Variants in SYTL2 observed in about 807,000 individuals in gnomAD.
The protein encoded by SYTL2 is synaptotagmin-like protein 2.
In SYTL2, 165 loss-of-function variants were observed where a neutral mutation model predicts 198.7. That is an observed-to-expected ratio of 0.83 (90% CI 0.73 to 0.94). The LOEUF is 0.94. Ranked by LOEUF, SYTL2 falls within the 40% of genes least tolerant of loss-of-function variation. The pLI is 0.00. For synonymous variants in SYTL2, 966 were observed against 917.7 expected, an observed-to-expected ratio of 1.05 and a Z score of -0.95; for missense variants, 2,835 against 2,582.8, an observed-to-expected ratio of 1.10 and a Z score of -2.12.
At chr11:85,748,632 G>A (rs1482277028) in intron 2 of SYTL2, among the ~76,000 whole-genome samples, 1 of 152,138 alleles carries the variant, frequency 6.6e-6, no homozygotes, top group Non-Finnish European at 1.5e-5. Flanking sequence ...TCAAATAAAG[G>A]TTTAATCCAC....
At chr11:85,719,620 TG>T (rs1355603642) in intron 9 of SYTL2, among the ~76,000 whole-genome samples, 2 of 151,956 alleles carry the variant, frequency 1.3e-5, no homozygotes, top group Non-Finnish European at 2.9e-5. Flanking sequence ...CAGGCGGATA[TG>T]GGGGTTGGCC....
At chr11:85,837,453 C>G in the SYTL2 span, among the ~76,000 whole-genome samples, 2 of 152,198 alleles carry the variant, frequency 1.3e-5, no homozygotes, top group Non-Finnish European at 2.9e-5. Flanking sequence ...AAAACCCAAC[C>G]CTGATGGCAC....
chr11:85,703,572 T>A (rs562461456), intron 16 of SYTL2, among the ~76,000 whole-genome samples: 7 of 152,246 alleles, frequency 4.6e-5, no homozygotes, highest in African/African-American at 1.7e-4. Flanking sequence ...CAAGAAAATC[T>A]GAAATAATCT....
chr11:85,824,223 T>C, the SYTL2 span, among the ~76,000 whole-genome samples: 2 of 151,816 alleles, frequency 1.3e-5, no homozygotes, highest in Non-Finnish European at 2.9e-5. Flanking sequence ...GGGAAGAAGA[T>C]TGGAGAGGTT....
intron 15 of SYTL2, among the ~76,000 whole-genome samples, chr11:85,707,070 C>T (rs2085295549): frequency 6.6e-6 from 1 of 152,114 alleles, no homozygotes; most frequent in South Asian, 2.1e-4. Flanking sequence ...GAACTCCTGA[C>T]CTCAAGGGAT....
the SYTL2 span, among the ~76,000 whole-genome samples, chr11:85,842,040 T>C: frequency 6.6e-6 from 1 of 152,218 alleles, no homozygotes; most frequent in Non-Finnish European, 1.5e-5. Context: ...TGTCAGGCCC[T>C]GTGCTAGGCA....
rs111407442 is a variant in SYTL2, at chr11:85,707,258, G to A, written c.6018+171C>T. ...ATATATGGGGAGTGAATGAAATAAC[G>A]TATACAACATTCAGGTTGTTTTGTC... On this transcript the variant is annotated intron_variant, in intron 15 of 19. Transcript: ENST00000359152. Among the ~76,000 whole-genome samples the A allele has an allele frequency of 6.4e-3, 981 of 152,204 alleles. 12 individuals are homozygous for A. Among genetic ancestry groups the A allele is most frequent in the African/African-American group, 0.022 (926 of 41,498 alleles).
At chr11:85,717,828 G>A (rs1177749523) in intron 10 of SYTL2, 1 of 436,604 alleles carries the variant, frequency 2.3e-6, no homozygotes, top group Non-Finnish European at 4.4e-6. Flanking sequence ...ATGAAGCTGA[G>A]ATTCTATTTC....
At chr11:85,811,499 A>G (rs1259590374), upstream of SYTL2, among the ~76,000 whole-genome samples, 7 of 152,110 alleles carry the variant, frequency 4.6e-5, no homozygotes, top group African/African-American at 1.7e-4. Flanking sequence ...GTGGAGCACT[A>G]GGAGCCTCTG....
chr11:85,837,646 C>T, the SYTL2 span, among the ~76,000 whole-genome samples: 5 of 152,086 alleles, frequency 3.3e-5, no homozygotes, highest in Admixed American at 3.3e-4. Flanking sequence ...AGAATTAAGC[C>T]CTAGTGACAG....
At chr11:85,707,918 T>C in intron 14 of SYTL2, 1 of 196,402 alleles carries the variant, frequency 5.1e-6, no homozygotes, top group Non-Finnish European at 9.2e-6. Context: ...AAGACCAGCC[T>C]GACCAACATG....
chr11:85,775,343 A>T (rs2092433627), intron 1 of SYTL2, among the ~76,000 whole-genome samples: 1 of 152,196 alleles, frequency 6.6e-6, no homozygotes, highest in Admixed American at 6.5e-5. Context: ...TGAAGAACAT[A>T]TTGGCCCACA....
At chr11:85,758,790 G>A (rs2091993183) in intron 1 of SYTL2, among the ~76,000 whole-genome samples, 1 of 152,184 alleles carries the variant, frequency 6.6e-6, no homozygotes, top group Non-Finnish European at 1.5e-5. Context: ...CAATGTGCAA[G>A]AATCCTATTT....
chr11:85,784,358 C>T (rs1028299296), intron 1 of SYTL2, among the ~76,000 whole-genome samples: 4 of 151,060 alleles, frequency 2.6e-5, no homozygotes, highest in African/African-American at 9.7e-5. Context: ...GAAACCAAAG[C>T]CACCAAAATA....
intron 16 of SYTL2, among the ~76,000 whole-genome samples, chr11:85,702,798 T>G (rs2084549014): frequency 6.6e-6 from 1 of 152,108 alleles, no homozygotes; most frequent in African/African-American, 2.4e-5. Context: ...GACAAAGAAC[T>G]AAGTGTCCAA....
chr11:85,696,648 C>A (rs761319346), intron 18 of SYTL2, among the ~76,000 whole-genome samples: 2 of 152,172 alleles, frequency 1.3e-5, no homozygotes, highest in Non-Finnish European at 2.9e-5. Context: ...GAAAGTTACT[C>A]AACCTTACGG....
intron 5 of SYTL2, 106 bp from the exon 6 acceptor site, chr11:85,736,721 T>G: frequency 1.5e-6 from 1 of 666,538 alleles, no homozygotes; most frequent in Non-Finnish European, 2.6e-6. Context: ...TCCCATAAAC[T>G]CCATTATTTG....
At chr11:85,739,491 A>G (rs1253397901) in intron 4 of SYTL2, among the ~76,000 whole-genome samples, 4 of 152,172 alleles carry the variant, frequency 2.6e-5, no homozygotes, top group African/African-American at 9.7e-5. Flanking sequence ...GTTAAAGTTT[A>G]CAGTCTGCTT....
In SYTL2 at chr11:85,734,183, A is replaced by G; in HGVS notation, c.1146T>C (p.Pro382=). 6.2e-7 allele frequency: 1 copy of G among 1,614,144 alleles called. No individual in the cohort carries two copies. Among genetic ancestry groups the G allele is most frequent in the Non-Finnish European group, 8.5e-7 (1 of 1,179,978 alleles). Residue 382 remains proline (P), a synonymous_variant, in exon 7 of 20, where the codon CCT becomes CCC. Coordinates refer to ENST00000359152, the MANE Select transcript of SYTL2 (RefSeq NM_206927.4). The part of the protein sequence containing the change: ...AGDTEEFQSD[P]KPSQYRKPSL... ...AAGGCTTTCTGTATTGAGAAGGCTT[A>G]GGGTCACTCTGAAACTCTTCTGTGT...
Sources: gnomAD v4.1 joint callset for allele counts (sites outside exome capture counted in the v4.1 genomes callset) on GRCh38, gnomAD v4.1.1 for gene constraint, MANE v1.5 for transcripts, NCBI Gene and HGNC (gene_info 2026-07-23, HGNC 2026-07-21) for gene names.